The following ANKHD1 variants were observed in gnomAD, a reference collection of about 807,000 sequenced individuals.
The protein encoded by ANKHD1 is ankyrin repeat and KH domain containing 1.
Under a neutral mutation model 230.5 loss-of-function variants are expected in ANKHD1, and 31 were observed. The ratio of observed to expected loss-of-function variants is 0.13; its 90% CI spans 0.10 to 0.18. The LOEUF (loss-of-function observed/expected upper bound fraction) is 0.18. Among genes scored for constraint, ANKHD1 ranks in the 10% least tolerant of loss-of-function variants. The pLI is 1.00. For missense variants in ANKHD1, 2,256 were observed against 3,071.3 expected (o/e 0.73, Z 6.27); for synonymous variants, 1,074 against 1,117.6 (o/e 0.96, Z 0.78).
intron 24 of ANKHD1, among the ~76,000 whole-genome samples, chr5:140,517,570 C>G (rs1753087880): frequency 9.4e-6 from 1 of 106,512 alleles, no homozygotes; most frequent in Admixed American, 1.1e-4. Context: ...TGTAAAAGAA[C>G]AGAAATTATA....
At chr5:140,474,984 C>T (rs1315182367) in intron 10 of ANKHD1, among the ~76,000 whole-genome samples, 1 of 152,066 alleles carries the variant, frequency 6.6e-6, no homozygotes, top group East Asian at 1.9e-4. Context: ...ATATTTTTAA[C>T]TTTACTACTT....
intron 6 of ANKHD1, among the ~76,000 whole-genome samples, chr5:140,448,970 C>T (rs1441966751): frequency 6.6e-6 from 1 of 152,120 alleles, no homozygotes; most frequent in Non-Finnish European, 1.5e-5. Flanking sequence ...TATTGCTTTA[C>T]TTAACTTGAA....
chr5:140,525,636 G>A (rs1030001128), intron 25 of ANKHD1, among the ~76,000 whole-genome samples: 2 of 152,086 alleles, frequency 1.3e-5, no homozygotes, highest in African/African-American at 4.8e-5. Flanking sequence ...TTGGGAGGCC[G>A]AGGCGGGTGG....
Position 140,539,020 on chromosome 5 carries a change from T to C in ANKHD1, c.7506T>C (p.Asp2502=), listed in dbSNP as rs775926496. The part of the protein sequence containing the change: ...GPLFNGLHNP[D]PAWNPMIKVI... ...TGTTTAATGGACTTCACAATCCAGA[T>C]CCTGCTTGGAACCCTATGATAAAAG... is the stretch of plus-strand genomic sequence containing the variant. The change falls in exon 33 of 34, where the codon GAT becomes GAC. Residue 2502 remains aspartate, a synonymous_variant. Coordinates refer to ENST00000360839, the MANE Select transcript of ANKHD1 (RefSeq NM_017747.3). 1.9e-6 allele frequency: 3 copies of C among 1,613,424 alleles called. No homozygotes were observed. In the African/African-American group the frequency reaches 4.0e-5, roughly 22 times the overall value.
intron 1 of ANKHD1, among the ~76,000 whole-genome samples, chr5:140,404,728 A>ATT (rs753895215): frequency 1.5e-5 from 2 of 135,702 alleles, no homozygotes; most frequent in Admixed American, 7.4e-5. Context: ...CCCGGCCTTA[A>ATT]TTTTTTTTTT....
intron 30 of ANKHD1, 24 bp downstream of exon 30, chr5:140,535,562 C>T (rs1754031551): frequency 6.4e-7 from 1 of 1,559,008 alleles, no homozygotes; most frequent in South Asian, 1.2e-5. Context: ...AGGAACTCTT[C>T]CCAAAGAGTT....
chr5:140,516,741 A>C (rs1753030195), intron 24 of ANKHD1, among the ~76,000 whole-genome samples: 1 of 152,134 alleles, frequency 6.6e-6, no homozygotes, highest in South Asian at 2.1e-4. Context: ...GCAAATGCTG[A>C]GAGATTTTGT....
At chr5:140,415,157 G>T (rs1771259264) in intron 1 of ANKHD1, among the ~76,000 whole-genome samples, 1 of 151,980 alleles carries the variant, frequency 6.6e-6, no homozygotes. Flanking sequence ...GCCGAGGCGG[G>T]CCGATCACAA....
intron 29 of ANKHD1, among the ~76,000 whole-genome samples, chr5:140,534,717 C>T (rs1426510321): frequency 6.6e-6 from 1 of 152,094 alleles, no homozygotes; most frequent in East Asian, 1.9e-4. Context: ...AATCCTTTTC[C>T]AGACCTTCAT....
At chr5:140,522,245 T>G (rs1254573486) in intron 24 of ANKHD1, among the ~76,000 whole-genome samples, 1 of 152,250 alleles carries the variant, frequency 6.6e-6, no homozygotes, top group Non-Finnish European at 1.5e-5. Flanking sequence ...GCTTTTTCAC[T>G]TAGTGAAATG....
chr5:140,468,645 ATC>A (rs1335911882), intron 10 of ANKHD1, among the ~76,000 whole-genome samples: 4 of 152,174 alleles, frequency 2.6e-5, no homozygotes, highest in East Asian at 1.9e-4. Flanking sequence ...TATATTGTGT[ATC>A]TCTCTAGACA....
chr5:140,523,077 T>G (rs1013180822), intron 24 of ANKHD1, among the ~76,000 whole-genome samples: 27 of 145,616 alleles, frequency 1.9e-4, no homozygotes, highest in South Asian at 4.3e-4. Flanking sequence ...TATAACTTGG[T>G]TTTTTTTTTT....
chr5:140,465,835 G>A (rs1274673256), intron 10 of ANKHD1, among the ~76,000 whole-genome samples: 1 of 152,068 alleles, frequency 6.6e-6, no homozygotes, highest in Non-Finnish European at 1.5e-5. Flanking sequence ...TCTGAGAATT[G>A]TGACAGCAAT....
chr5:140,482,769 A>G (rs1751341780), intron 11 of ANKHD1, 102 bp downstream of exon 11: 1 of 1,241,984 alleles, frequency 8.1e-7, no homozygotes, highest in Non-Finnish European at 1.1e-6. Flanking sequence ...CCTACAGTAA[A>G]GTATTGTATT....
intron 10 of ANKHD1, 39 bp from the exon 11 acceptor site, chr5:140,482,539 CTG>C: frequency 6.3e-7 from 1 of 1,597,790 alleles, no homozygotes; most frequent in Non-Finnish European, 8.5e-7. Flanking sequence ...GATGGTTAGA[CTG>C]TTGGCATTGA....
intron 1 of ANKHD1, among the ~76,000 whole-genome samples, chr5:140,432,828 T>G (rs1411853863): frequency 6.6e-6 from 1 of 152,212 alleles, no homozygotes; most frequent in Non-Finnish European, 1.5e-5. Flanking sequence ...CTCAGCCTCA[T>G]GAGTAGCTGG....
chr5:140,537,916 G>C (rs1754152552), intron 31 of ANKHD1, among the ~76,000 whole-genome samples, 170 bp from the exon 32 acceptor site: 1 of 152,080 alleles, frequency 6.6e-6, no homozygotes, highest in Non-Finnish European at 1.5e-5. Context: ...ACTTTACCTA[G>C]TTTTTCAGGA....
intron 9 of ANKHD1, among the ~76,000 whole-genome samples, chr5:140,460,106 C>T (rs1265686048): frequency 6.6e-6 from 1 of 151,854 alleles, no homozygotes; most frequent in African/African-American, 2.4e-5. Context: ...TAATTTGGTA[C>T]CTTTAAGTCT....
intron 24 of ANKHD1, among the ~76,000 whole-genome samples, chr5:140,517,926 G>A (rs1423789876): frequency 6.6e-6 from 1 of 150,876 alleles, no homozygotes; most frequent in Non-Finnish European, 1.5e-5. Flanking sequence ...CAGAAGGCAA[G>A]AAATAACTAA....
Sources: gnomAD v4.1 joint callset for allele counts (sites outside exome capture counted in the v4.1 genomes callset) on GRCh38, gnomAD v4.1.1 for gene constraint, MANE v1.5 for transcripts, NCBI Gene and HGNC (gene_info 2026-07-23, HGNC 2026-07-21) for gene names.